The following PCSK5 variants were observed in gnomAD, a reference collection of about 807,000 sequenced individuals.
The protein encoded by PCSK5 is prohormone convertase 5.
A neutral mutation model predicts 233.2 loss-of-function variants in PCSK5; 129 were observed. That is an observed-to-expected ratio of 0.55 (90% confidence interval 0.48 to 0.64). The LOEUF is 0.64. Ranked by LOEUF, PCSK5 falls within the 30% of genes least tolerant of loss-of-function variation. PCSK5 has a pLI of 0.00. For synonymous variants in PCSK5, 825 were observed against 879.2 expected (o/e 0.94, Z 1.09); for missense variants, 2,076 against 2,430.1 (o/e 0.85, Z 3.06).
intron 1 of PCSK5, among the ~76,000 whole-genome samples, chr9:75,928,246 A>T (rs928036367): frequency 2.6e-5 from 4 of 151,802 alleles, no homozygotes; most frequent in African/African-American, 9.7e-5. Flanking sequence ...TACTTCATAT[A>T]CTCCTATTGT....
chr9:76,278,757 G>A (rs541972084), intron 24 of PCSK5, among the ~76,000 whole-genome samples: 1 of 152,034 alleles, frequency 6.6e-6, no homozygotes, highest in Admixed American at 6.6e-5. Context: ...CATAGAGATG[G>A]ATTATCATCA....
At chr9:76,355,757 G>A (rs571772108) in intron 37 of PCSK5, among the ~76,000 whole-genome samples, 1 of 151,756 alleles carries the variant, frequency 6.6e-6, no homozygotes, top group Admixed American at 6.6e-5. Context: ...AGGCTGGAGT[G>A]CAATGGCACA....
chr9:76,239,579 C>T (rs959275493), intron 23 of PCSK5, among the ~76,000 whole-genome samples: 3 of 151,194 alleles, frequency 2.0e-5, no homozygotes, highest in Non-Finnish European at 2.9e-5. Context: ...GCCTATAATC[C>T]CAGCTACACA....
chr9:76,179,735 G>A, intron 15 of PCSK5, 37 bp downstream of exon 15: 1 of 1,420,684 alleles, frequency 7.0e-7, no homozygotes, highest in Non-Finnish European at 1.0e-6. Flanking sequence ...CACAGCATGT[G>A]CCAGGCATCT....
At position 76,006,953 on chromosome 9, in the gene PCSK5, A is replaced by G. The variant is rs551624155; in HGVS notation, c.412-16785A>G. 1.1e-4 allele frequency among the ~76,000 whole-genome samples: 16 copies of G among 152,222 alleles called. No individual in the cohort carries two copies. In the East Asian group the frequency reaches 2.9e-3, roughly 28 times the overall value. On this transcript the variant is annotated intron_variant, in intron 3 of 37. Transcript: ENST00000674117. ...TTAAAGATTAGACACAGGTACAAGC[A>G]TATTAGGTCTTATTTGCCAGTTTTC...
chr9:76,150,127 T>C (rs1823606927), intron 10 of PCSK5, among the ~76,000 whole-genome samples: 1 of 152,174 alleles, frequency 6.6e-6, no homozygotes, highest in African/African-American at 2.4e-5. Flanking sequence ...GAACTCCATT[T>C]CCTTAGTCTG....
At chr9:76,353,150 T>C (rs1830209780) in intron 36 of PCSK5, among the ~76,000 whole-genome samples, 1 of 152,214 alleles carries the variant, frequency 6.6e-6, no homozygotes, top group Non-Finnish European at 1.5e-5. Flanking sequence ...GCCTGAAACA[T>C]GCCAAGGTGC....
In PCSK5 at chr9:76,213,522, G is replaced by A. The variant is rs535157219; in HGVS notation, c.2627-13981G>A. On this transcript the variant is annotated intron_variant, in intron 20 of 37. Coordinates refer to ENST00000674117, the MANE Select transcript of PCSK5 (RefSeq NM_001372043.1). ...CTCTGTCCTCACCATTTTGGTTGTAGTGGTTCCACTCCCTCACCCTGGCTT... is the reference window on the plus strand; with the variant it reads ...CTCTGTCCTCACCATTTTGGTTGTAATGGTTCCACTCCCTCACCCTGGCTT... 6.6e-5 allele frequency among the ~76,000 whole-genome samples: 10 copies of A among 152,140 alleles called. No individual in the cohort carries two copies. The East Asian group carries it at 1.9e-3, about 30-fold the overall frequency.
intron 2 of PCSK5, among the ~76,000 whole-genome samples, chr9:75,962,376 GA>G (rs1431624446): frequency 1.3e-5 from 2 of 152,254 alleles, no homozygotes; most frequent in African/African-American, 4.8e-5. Flanking sequence ...GGCAGGTGCA[GA>G]TCCAGCTGGG....
At chr9:75,899,493 T>C (rs1311625485) in intron 1 of PCSK5, among the ~76,000 whole-genome samples, 1 of 152,206 alleles carries the variant, frequency 6.6e-6, no homozygotes, top group Non-Finnish European at 1.5e-5. Flanking sequence ...AAATTCATCC[T>C]ACATAACTGT....
At chr9:76,145,164 CTATCTT>C (rs1413676465) in intron 10 of PCSK5, among the ~76,000 whole-genome samples, 8 of 152,186 alleles carry the variant, frequency 5.3e-5, no homozygotes, top group Non-Finnish European at 1.0e-4. Flanking sequence ...TATTTCATCA[CTATCTT>C]TATCACCAGC....
At position 75,890,859 on chromosome 9, in the gene PCSK5, G is replaced by T; in HGVS notation, c.-323G>T. ...CCGAGTCGGAGAGTCCGGGAGCCAA[G>T]CCGGGCGAAACCCAACTGCGGAGGA... is the stretch of plus-strand genomic sequence containing the variant. On this transcript the variant is annotated 5_prime_UTR_variant, in exon 1 of 38. Coordinates refer to ENST00000674117, the MANE Select transcript of PCSK5 (RefSeq NM_001372043.1). The T allele has an allele frequency of 3.8e-6, 1 of 264,302 alleles. No individual in the cohort carries two copies. Among genetic ancestry groups the T allele is most frequent in the Non-Finnish European group, 7.2e-6 (1 of 139,856 alleles). 16.4% of individuals were successfully genotyped at this position (264,302 alleles called of 1,614,324 possible).
chr9:76,281,077 T>C (rs1251509950), intron 24 of PCSK5, among the ~76,000 whole-genome samples: 1 of 152,182 alleles, frequency 6.6e-6, no homozygotes, highest in African/African-American at 2.4e-5. Context: ...GGAAAGAAGC[T>C]GTCTCCATAA....
chr9:76,158,928 T>C, intron 11 of PCSK5, 55 bp from the exon 12 acceptor site: 21 of 1,444,954 alleles, frequency 1.5e-5, no homozygotes, highest in Non-Finnish European at 1.9e-5. Context: ...CCAGGTTCAC[T>C]CACCTGAGCT....
At chr9:76,146,033 CT>C (rs538709402) in intron 10 of PCSK5, among the ~76,000 whole-genome samples, 105 of 148,348 alleles carry the variant, frequency 7.1e-4, no homozygotes, top group Middle Eastern at 3.5e-3. Flanking sequence ...GATCCAGACT[CT>C]TTTTTTTTTT....
At chr9:76,162,777 C>G (rs1822921671) in intron 12 of PCSK5, among the ~76,000 whole-genome samples, 1 of 152,130 alleles carries the variant, frequency 6.6e-6, no homozygotes, top group African/African-American at 2.4e-5. Flanking sequence ...CTTCTTGTGG[C>G]AGACTTTTCC....
At chr9:76,136,804 C>T (rs990686706) in intron 10 of PCSK5, among the ~76,000 whole-genome samples, 9 of 152,116 alleles carry the variant, frequency 5.9e-5, no homozygotes, top group Admixed American at 5.2e-4. Flanking sequence ...CAGCGTCACC[C>T]ATCAGAATTT....
At chr9:76,261,543 C>T (rs1827174907) in intron 24 of PCSK5, among the ~76,000 whole-genome samples, 1 of 152,130 alleles carries the variant, frequency 6.6e-6, no homozygotes, top group Admixed American at 6.5e-5. Flanking sequence ...CCTGCCCTCA[C>T]AAATATGTAG....
intron 2 of PCSK5, among the ~76,000 whole-genome samples, chr9:75,945,402 C>T (rs1000655552): frequency 2.0e-5 from 3 of 152,000 alleles, no homozygotes; most frequent in Non-Finnish European, 2.9e-5. Flanking sequence ...GTTGGCCCCA[C>T]CACTAACATT....
Sources: gnomAD v4.1 joint callset for allele counts (sites outside exome capture counted in the v4.1 genomes callset) on GRCh38, gnomAD v4.1.1 for gene constraint, MANE v1.5 for transcripts, NCBI Gene and HGNC (gene_info 2026-07-23, HGNC 2026-07-21) for gene names.